Variants in NEO1 observed in about 807,000 individuals in gnomAD.
NEO1 encodes neogenin.
In NEO1, 63 loss-of-function variants were observed where a neutral mutation model predicts 159.7. The observed-to-expected ratio is 0.39, with a 90% CI of 0.32 to 0.49. The LOEUF is 0.49. NEO1 is among the 20% of genes least tolerant of loss of function. The pLI, the probability that NEO1 is intolerant of heterozygous loss-of-function variation, is 0.85. For synonymous variants in NEO1, 633 were observed against 662.0 expected, an observed-to-expected ratio of 0.96 and a Z score of 0.67; for missense variants, 1,615 against 1,831.0, an observed-to-expected ratio of 0.88 and a Z score of 2.15.
chr15:73,104,959 A>C (rs2070606741), intron 1 of NEO1, among the ~76,000 whole-genome samples: 2 of 152,198 alleles, frequency 1.3e-5, no homozygotes. Flanking sequence ...CCAACACTGG[A>C]GATTATAATT....
chr15:73,157,319 GCA>G (rs531094909), intron 5 of NEO1, among the ~76,000 whole-genome samples: 257 of 152,298 alleles, frequency 1.7e-3, no homozygotes, highest in African/African-American at 5.7e-3. Flanking sequence ...CCAAAGCCTG[GCA>G]CTGCCACTTG....
At chr15:73,223,467 G>A (rs1032957107) in intron 7 of NEO1, among the ~76,000 whole-genome samples, 1 of 152,188 alleles carries the variant, frequency 6.6e-6, no homozygotes, top group Non-Finnish European at 1.5e-5. Context: ...GAGCTCCAGT[G>A]TTAGGTGCAT....
intron 19 of NEO1, among the ~76,000 whole-genome samples, chr15:73,272,767 G>A (rs1287925376): frequency 1.3e-5 from 2 of 152,100 alleles, no homozygotes; most frequent in Non-Finnish European, 2.9e-5. Flanking sequence ...TTGCCTGTTG[G>A]TGGTTCTGAC....
chr15:73,281,867 G>A (rs1014268048), intron 22 of NEO1, among the ~76,000 whole-genome samples: 3 of 152,182 alleles, frequency 2.0e-5, no homozygotes, highest in Admixed American at 2.0e-4. Context: ...AGAAATGGAA[G>A]ACAGTAAGAC....
intron 7 of NEO1, among the ~76,000 whole-genome samples, chr15:73,229,397 A>G (rs983335617): frequency 6.7e-6 from 1 of 149,590 alleles, no homozygotes; most frequent in African/African-American, 2.4e-5. Context: ...ATATAGAACT[A>G]CAGTTGGTTT....
At chr15:73,280,285 C>CAA (rs763744936) in intron 22 of NEO1, among the ~76,000 whole-genome samples, 1 of 122,142 alleles carries the variant, frequency 8.2e-6, no homozygotes. Flanking sequence ...GGTTCCGTCT[C>CAA]AAAAAAAAAA....
intron 5 of NEO1, among the ~76,000 whole-genome samples, chr15:73,154,210 A>G (rs2033600228): frequency 7.0e-6 from 1 of 142,662 alleles, no homozygotes; most frequent in African/African-American, 2.7e-5. Context: ...AGTATTCTTT[A>G]AAAAAAAAAA....
chr15:73,130,891 A>G (rs2031031304), intron 4 of NEO1, among the ~76,000 whole-genome samples: 2 of 152,318 alleles, frequency 1.3e-5, no homozygotes, highest in South Asian at 4.1e-4. Context: ...CAATAATGAG[A>G]CAATCCTACC....
At chr15:73,106,750 A>G (rs79580186) in intron 1 of NEO1, among the ~76,000 whole-genome samples, 4 of 152,142 alleles carry the variant, frequency 2.6e-5, no homozygotes, top group African/African-American at 9.7e-5. Context: ...TAAAATGGGG[A>G]TAATAATAGT....
chr15:73,205,658 C>G (rs1173276579), intron 7 of NEO1, among the ~76,000 whole-genome samples: 1 of 152,174 alleles, frequency 6.6e-6, no homozygotes, highest in Non-Finnish European at 1.5e-5. Context: ...GTTTATGTCT[C>G]CCATGGCTTC....
At chr15:73,184,481 C>T (rs1281363127) in intron 7 of NEO1, among the ~76,000 whole-genome samples, 3 of 152,196 alleles carry the variant, frequency 2.0e-5, no homozygotes, top group East Asian at 1.9e-4. Flanking sequence ...TTTGTATTTA[C>T]CTGAATGAGT....
chr15:73,197,922 C>G (rs1208816453), intron 7 of NEO1, among the ~76,000 whole-genome samples: 1 of 151,980 alleles, frequency 6.6e-6, no homozygotes, highest in African/African-American at 2.4e-5. Context: ...CTCAAGTGAC[C>G]CACCTGCCTC....
intron 14 of NEO1, among the ~76,000 whole-genome samples, chr15:73,259,629 C>T (rs114920954): frequency 1.7e-3 from 253 of 152,216 alleles, no homozygotes; most frequent in African/African-American, 5.6e-3. Flanking sequence ...GCTGGGACAA[C>T]AGACATGAGC....
At chr15:73,293,699 G>A in intron 26 of NEO1, 151 bp downstream of exon 26, 1 of 891,420 alleles carries the variant, frequency 1.1e-6, no homozygotes, top group Non-Finnish European at 1.6e-6. Flanking sequence ...ACTCAAATTT[G>A]TTTCTGTAAA....
intron 1 of NEO1, among the ~76,000 whole-genome samples, chr15:73,108,802 A>T (rs186623358): frequency 4.6e-5 from 7 of 152,324 alleles, no homozygotes; most frequent in Non-Finnish European, 1.0e-4. Context: ...TAGCCATGCG[A>T]CAGAGAGTGG....
chr15:73,154,413 A>T (rs538880372), intron 5 of NEO1, among the ~76,000 whole-genome samples: 2 of 152,248 alleles, frequency 1.3e-5, no homozygotes, highest in Non-Finnish European at 2.9e-5. Flanking sequence ...GACTGTAGTC[A>T]CCTTGTTTTG....
chr15:73,252,374 C>T lies in NEO1; in HGVS notation c.1895-1026C>T, dbSNP rs541097406. Among the ~76,000 whole-genome samples the T allele has an allele frequency of 1.1e-4, 16 of 152,332 alleles. 1 individual carries two copies. Among genetic ancestry groups the T allele is most frequent in the Middle Eastern group, 6.8e-3 (2 of 294 alleles). On this transcript the variant is annotated intron_variant, in intron 11 of 28. Transcript: ENST00000261908. The stretch of plus-strand genomic sequence containing the variant: ...GTGTGGGCCACACACTGAGATAACT[C>T]TGGATTATGTTCTAAAGTGAGGAAC...
chr15:73,074,490 T>A (rs1162265440), intron 1 of NEO1, among the ~76,000 whole-genome samples: 1 of 152,240 alleles, frequency 6.6e-6, no homozygotes, highest in Non-Finnish European at 1.5e-5. Flanking sequence ...TTTCTTTTTC[T>A]TATGCTTTAT....
intron 1 of NEO1, among the ~76,000 whole-genome samples, chr15:73,103,971 C>A (rs995802660): frequency 6.6e-6 from 1 of 152,168 alleles, no homozygotes; most frequent in Non-Finnish European, 1.5e-5. Context: ...CCTCTCACCA[C>A]AGCCTCCCAA....
Sources: allele counts gnomAD v4.1 joint callset (sites outside exome capture counted in the v4.1 genomes callset), GRCh38; gene constraint gnomAD v4.1.1; transcripts MANE v1.5; gene names NCBI Gene and HGNC (gene_info 2026-07-23, HGNC 2026-07-21).